The following FOXP1 variants were observed in gnomAD, a reference collection of about 807,000 sequenced individuals.
FOXP1 encodes forkhead box P1.
In FOXP1, 15 loss-of-function variants were observed where a neutral mutation model predicts 98.2. The ratio of observed to expected loss-of-function variants is 0.15; its 90% CI spans 0.10 to 0.24. FOXP1 has a LOEUF of 0.24. Ranked by LOEUF, FOXP1 falls within the 10% of genes least tolerant of loss-of-function variation. The pLI is 1.00. For synonymous variants in FOXP1, 371 were observed against 314.5 expected, an observed-to-expected ratio of 1.18 and a Z score of -1.90; for missense variants, 633 against 848.5, an observed-to-expected ratio of 0.75 and a Z score of 3.15.
chr3:71,415,126 A>G (rs1293043656), intron 3 of FOXP1, among the ~76,000 whole-genome samples: 1 of 152,242 alleles, frequency 6.6e-6, no homozygotes, highest in Non-Finnish European at 1.5e-5. Context: ...GAAGAAAGAA[A>G]GGGAATCTGT....
At chr3:71,481,871 A>G (rs1343373838) in intron 3 of FOXP1, among the ~76,000 whole-genome samples, 1 of 152,034 alleles carries the variant, frequency 6.6e-6, no homozygotes, top group Admixed American at 6.6e-5. Context: ...TTCTCACTCG[A>G]TGCTATTTTC....
At chr3:71,543,388 G>A (rs2045045910) in intron 2 of FOXP1, 1 of 152,320 alleles carries the variant, frequency 6.6e-6, no homozygotes. Flanking sequence ...CACTTGAGAA[G>A]GGACTGAGGA....
At chr3:71,299,325 T>C (rs1449755048) in intron 5 of FOXP1, among the ~76,000 whole-genome samples, 3 of 152,226 alleles carry the variant, frequency 2.0e-5, no homozygotes, top group Non-Finnish European at 4.4e-5. Flanking sequence ...TGCCCCACAC[T>C]GCTCAGCAGT....
intron 2 of FOXP1, chr3:71,581,309 G>T (rs1460498525): frequency 3.0e-6 from 3 of 985,270 alleles, no homozygotes; most frequent in Middle Eastern, 5.2e-4. Flanking sequence ...TACACTCCAC[G>T]CTAAACTTTG....
intron 2 of FOXP1, among the ~76,000 whole-genome samples, chr3:71,529,955 G>A (rs767642255): frequency 2.2e-4 from 33 of 152,248 alleles, no homozygotes; most frequent in African/African-American, 6.7e-4. Context: ...ATTTCTAGCC[G>A]GTGGGTCAGA....
At chr3:71,215,465 A>G (rs1032589703) in intron 5 of FOXP1, among the ~76,000 whole-genome samples, 1 of 152,178 alleles carries the variant, frequency 6.6e-6, no homozygotes, top group Non-Finnish European at 1.5e-5. Context: ...TGAAAAATGC[A>G]CAGTGTTCTG....
In FOXP1 at chr3:71,397,004, ATG is replaced by A. The variant is rs1226082403; in HGVS notation, c.-167-37762_-167-37761del. 1.1e-3 allele frequency among the ~76,000 whole-genome samples: 74 copies of A among 64,648 alleles called. 20 individuals carry two copies. Among genetic ancestry groups the A allele is most frequent in the African/African-American group, 5.2e-3 (69 of 13,154 alleles). 42.4% of individuals were successfully genotyped at this position (64,648 alleles called of 152,430 possible). On this transcript the variant is annotated intron_variant, in intron 3 of 20. Transcript: ENST00000649528. The stretch of plus-strand genomic sequence containing the variant: ...TATGTGTATATATATACACATATAT[ATG>A]TGTATATATATATATATACATATAT...
At chr3:71,055,456 A>G (rs2050492761) in intron 7 of FOXP1, among the ~76,000 whole-genome samples, 1 of 152,228 alleles carries the variant, frequency 6.6e-6, no homozygotes. Flanking sequence ...ACAGATGGGC[A>G]TGTCTGAATA....
intron 3 of FOXP1, among the ~76,000 whole-genome samples, chr3:71,416,686 A>G (rs1193882594): frequency 6.6e-6 from 1 of 152,110 alleles, no homozygotes; most frequent in East Asian, 1.9e-4. Flanking sequence ...AGCAGCAGGT[A>G]AATGGGTGAA....
rs1052701184 is a variant in FOXP1, at chr3:71,452,763, G to C, written c.-168+40663C>G. On this transcript the variant is annotated intron_variant, in intron 3 of 20. Coordinates refer to ENST00000649528, the MANE Select transcript of FOXP1 (RefSeq NM_001349338.3). ...TTTTCAGTTGCTGACAAAATCAGCT[G>C]GTGTTCCCAGAAAATGAAATGAATT... 2.0e-5 allele frequency among the ~76,000 whole-genome samples: 3 copies of C among 152,110 alleles called. No homozygotes were observed. In the South Asian group the frequency reaches 6.2e-4, roughly 32 times the overall value.
At chr3:71,153,706 A>G (rs1355022389) in intron 6 of FOXP1, among the ~76,000 whole-genome samples, 1 of 152,212 alleles carries the variant, frequency 6.6e-6, no homozygotes, top group Non-Finnish European at 1.5e-5. Context: ...TTCCAGCTTA[A>G]CAAAATAAAT....
intron 3 of FOXP1, among the ~76,000 whole-genome samples, chr3:71,427,530 A>G (rs888835284): frequency 6.6e-6 from 1 of 152,170 alleles, no homozygotes; most frequent in African/African-American, 2.4e-5. Flanking sequence ...GAAAAAAAGG[A>G]GCTACTGAAG....
intron 2 of FOXP1, among the ~76,000 whole-genome samples, chr3:71,519,616 C>T (rs2042833416): frequency 6.6e-6 from 1 of 152,206 alleles, no homozygotes; most frequent in South Asian, 2.1e-4. Context: ...TTTATATTTA[C>T]CTAAGTTGGG....
rs1300855585 is a variant in FOXP1 at position 71,194,393 on chromosome 3, GT to G, written c.180+3808del. ...ATAAACATTTTCTAGTATGCATTCTGTTAATTGACCTGACAGCATATGCTGT... is the reference window on the plus strand; with the variant it reads ...ATAAACATTTTCTAGTATGCATTCTGTAATTGACCTGACAGCATATGCTGT... On this transcript the variant is annotated intron_variant, in intron 6 of 20. Coordinates refer to ENST00000649528, the MANE Select transcript of FOXP1 (RefSeq NM_001349338.3). Among the ~76,000 whole-genome samples the G allele has an allele frequency of 3.3e-5, 5 of 152,140 alleles. No individual in the cohort carries two copies. In the East Asian group the frequency reaches 9.6e-4, roughly 29 times the overall value.
intron 3 of FOXP1, among the ~76,000 whole-genome samples, chr3:71,392,905 C>T (rs962954251): frequency 6.6e-6 from 1 of 151,966 alleles, no homozygotes; most frequent in Non-Finnish European, 1.5e-5. Context: ...TCACATTTTA[C>T]AAAAAGAACA....
At chr3:71,488,418 G>A (rs1214354075) in intron 3 of FOXP1, among the ~76,000 whole-genome samples, 1 of 152,184 alleles carries the variant, frequency 6.6e-6, no homozygotes, top group African/African-American at 2.4e-5. Context: ...GAACTGGGGT[G>A]GGGGTGTGGA....
At position 70,956,424 on chromosome 3, in the gene FOXP1, T is replaced by C. The variant is rs2031805618; in HGVS notation, c.*2823A>G. On this transcript the variant is annotated 3_prime_UTR_variant, in exon 21 of 21. Coordinates refer to ENST00000649528, the MANE Select transcript of FOXP1 (RefSeq NM_001349338.3). ...GTAAAATCTAATTTTTCTTTTTTTT[T>C]TTTTTTTGCTACAGTCTTTAGACTA... The C allele has an allele frequency of 4.3e-6, 1 of 230,662 alleles. No individual in the cohort carries two copies. Among genetic ancestry groups the C allele is most frequent in the African/African-American group, 2.2e-5 (1 of 45,156 alleles). 14.3% of individuals were successfully genotyped at this position (230,662 alleles called of 1,614,324 possible).
chr3:71,112,070 C>T (rs2057978360), intron 7 of FOXP1, among the ~76,000 whole-genome samples: 1 of 118,490 alleles, frequency 8.4e-6, no homozygotes, highest in African/African-American at 3.4e-5. Context: ...CTAGTTGTGG[C>T]AACGAAAAAC....
chr3:71,230,604 A>G (rs2066207604), intron 5 of FOXP1, among the ~76,000 whole-genome samples: 1 of 152,262 alleles, frequency 6.6e-6, no homozygotes, highest in Non-Finnish European at 1.5e-5. Context: ...TCCGTAGCTA[A>G]AAACCAACAT....
Sources: gnomAD v4.1 joint callset for allele counts (sites outside exome capture counted in the v4.1 genomes callset) on GRCh38, gnomAD v4.1.1 for gene constraint, MANE v1.5 for transcripts, NCBI Gene and HGNC (gene_info 2026-07-23, HGNC 2026-07-21) for gene names.